ATP9A: variants seen among roughly 807,000 people sequenced by gnomAD.
ATP9A encodes the protein probable phospholipid-transporting ATPase IIA.
A neutral mutation model predicts 144.1 loss-of-function variants in ATP9A; 52 were observed. The ratio of observed to expected loss-of-function variants is 0.36; its 90% CI spans 0.29 to 0.45. The LOEUF is 0.45. ATP9A is among the 20% of genes least tolerant of loss of function. ATP9A has a pLI of 1.00. For synonymous variants in ATP9A, 582 were observed against 557.4 expected (o/e 1.04, Z -0.62); for missense variants, 947 against 1,392.7 (o/e 0.68, Z 5.09).
intron 1 of ATP9A, among the ~76,000 whole-genome samples, chr20:51,741,878 T>C (rs923586714): frequency 3.3e-5 from 5 of 152,214 alleles, no homozygotes; most frequent in Admixed American, 2.0e-4. Context: ...CCAAGGATGC[T>C]GCGAGACACC....
chr20:51,621,923 C>G (rs1483686718), intron 19 of ATP9A, 151 bp downstream of exon 19: 1 of 648,074 alleles, frequency 1.5e-6, no homozygotes, highest in African/African-American at 1.8e-5. Flanking sequence ...GGTCATTAAT[C>G]ATCCCATCCA....
At chr20:51,715,480 G>A (rs1032786811) in intron 3 of ATP9A, among the ~76,000 whole-genome samples, 4 of 152,180 alleles carry the variant, frequency 2.6e-5, no homozygotes, top group Middle Eastern at 3.4e-3. Flanking sequence ...TTGTTTTTTC[G>A]AATGTTCCAG....
intron 23 of ATP9A, among the ~76,000 whole-genome samples, chr20:51,610,714 C>G (rs575085279): frequency 8.6e-5 from 13 of 152,046 alleles, no homozygotes; most frequent in African/African-American, 3.1e-4. Context: ...TAGGCATGCA[C>G]GCTGCTAACC....
At chr20:51,744,966 C>A (rs2077801363) in intron 1 of ATP9A, among the ~76,000 whole-genome samples, 1 of 151,952 alleles carries the variant, frequency 6.6e-6, no homozygotes, top group Admixed American at 6.6e-5. Context: ...CTTGTCTCTA[C>A]TAAAAATATA....
At chr20:51,699,981 G>A (rs529079975) in intron 4 of ATP9A, among the ~76,000 whole-genome samples, 4 of 152,230 alleles carry the variant, frequency 2.6e-5, no homozygotes, top group East Asian at 1.9e-4. Context: ...TAACAATGGC[G>A]AGCTGAACTA....
chr20:51,739,975 C>T (rs1419295080), intron 1 of ATP9A, among the ~76,000 whole-genome samples: 1 of 152,202 alleles, frequency 6.6e-6, no homozygotes. Context: ...AAGATTCACC[C>T]ACCCCTGGAC....
intron 15 of ATP9A, among the ~76,000 whole-genome samples, chr20:51,638,755 C>T (rs1466442096): frequency 6.6e-6 from 1 of 151,738 alleles, no homozygotes; most frequent in South Asian, 2.1e-4. Flanking sequence ...CCTAGCTACT[C>T]GGGAGGCTGA....
intron 13 of ATP9A, among the ~76,000 whole-genome samples, chr20:51,663,881 GCAGT>G (rs1486961617): frequency 2.6e-5 from 4 of 151,970 alleles, no homozygotes; most frequent in African/African-American, 9.7e-5. Flanking sequence ...ACGCTCTCTG[GCAGT>G]CAGTACTGAT....
chr20:51,684,959 C>A (rs1340435424), intron 9 of ATP9A, among the ~76,000 whole-genome samples: 1 of 149,916 alleles, frequency 6.7e-6, no homozygotes, highest in Admixed American at 6.8e-5. Context: ...TGCAGTGAGC[C>A]AAGATTGTGC....
At chr20:51,654,086 C>A (rs1375559489) in intron 14 of ATP9A, among the ~76,000 whole-genome samples, 1 of 152,106 alleles carries the variant, frequency 6.6e-6, no homozygotes, top group African/African-American at 2.4e-5. Context: ...TCACCCAAAC[C>A]TACCCTCCCT....
chr20:51,704,228 T>C (rs1485517445), intron 4 of ATP9A, among the ~76,000 whole-genome samples: 2 of 149,814 alleles, frequency 1.3e-5, no homozygotes, highest in African/African-American at 4.9e-5. Flanking sequence ...AACAAGTTTA[T>C]ACCCAACAGT....
rs755716926 is a variant in ATP9A at position 51,604,989 on chromosome 20, C to T, written c.2835G>A (p.Leu945=). The T allele has an allele frequency of 4.3e-6, 7 of 1,612,218 alleles. No homozygotes were observed. Among genetic ancestry groups the T allele is most frequent in the Non-Finnish European group, 5.9e-6 (7 of 1,179,236 alleles). ...GSTIMYGALL[L]FESEFVHIVA... Reference sequence around the variant, plus strand: ...CGATGTGCACGAACTCCGACTCAAACAGCAGCAGCGCCCCGTACATGATGG... The same window carrying T: ...CGATGTGCACGAACTCCGACTCAAATAGCAGCAGCGCCCCGTACATGATGG... The change falls in exon 27 of 28, where the codon CTG becomes CTA. Residue 945 remains leucine (L), a synonymous_variant. Coordinates refer to ENST00000338821, the MANE Select transcript of ATP9A (RefSeq NM_006045.3).
intron 9 of ATP9A, among the ~76,000 whole-genome samples, chr20:51,687,375 G>C (rs2077527743): frequency 6.6e-6 from 1 of 152,288 alleles, no homozygotes; most frequent in Admixed American, 6.5e-5. Context: ...GTGCATGTGT[G>C]GATGGTGACA....
intron 13 of ATP9A, among the ~76,000 whole-genome samples, chr20:51,658,645 G>C (rs890983806): frequency 6.8e-6 from 1 of 147,420 alleles, no homozygotes; most frequent in African/African-American, 2.5e-5. Flanking sequence ...TCAGCCTCCC[G>C]AGTAGCTGGC....
At chr20:51,617,687 C>T in intron 21 of ATP9A, 133 bp from the exon 22 acceptor site, 1 of 948,636 alleles carries the variant, frequency 1.1e-6, no homozygotes, top group Non-Finnish European at 1.6e-6. Flanking sequence ...TCCATTCCAT[C>T]TCTCCAACCC....
intron 2 of ATP9A, among the ~76,000 whole-genome samples, chr20:51,727,745 CATG>C (rs1412800934): frequency 1.3e-5 from 2 of 151,978 alleles, no homozygotes; most frequent in African/African-American, 4.8e-5. Flanking sequence ...GCCTGGCCAA[CATG>C]ATGAAACCCT....
intron 21 of ATP9A, among the ~76,000 whole-genome samples, chr20:51,617,906 C>T (rs929939922): frequency 1.3e-5 from 2 of 152,178 alleles, no homozygotes; most frequent in Non-Finnish European, 2.9e-5. Context: ...TTCCATGCAG[C>T]GTGGCAAGCA....
intron 9 of ATP9A, among the ~76,000 whole-genome samples, 199 bp downstream of exon 9, chr20:51,688,865 G>A (rs913386354): frequency 1.3e-5 from 2 of 152,134 alleles, no homozygotes; most frequent in African/African-American, 4.8e-5. Flanking sequence ...CACAGGCCAC[G>A]CGGGCTTCTC....
At chr20:51,734,517 T>A (rs2077755200) in intron 1 of ATP9A, 1 of 152,214 alleles carries the variant, frequency 6.6e-6, no homozygotes, top group Admixed American at 6.6e-5. Flanking sequence ...TCGGGAGCTG[T>A]GGGTTCGGTG....
Sources: gnomAD v4.1 joint callset for allele counts (sites outside exome capture counted in the v4.1 genomes callset) on GRCh38, gnomAD v4.1.1 for gene constraint, MANE v1.5 for transcripts, NCBI Gene and HGNC (gene_info 2026-07-23, HGNC 2026-07-21) for gene names.